Variants in CDC42EP2 observed in about 807,000 individuals in gnomAD.
CDC42EP2 encodes CDC42 effector protein 2, also known as CDC42 effector protein (Rho GTPase binding) 2.
Under a neutral mutation model 7.3 loss-of-function variants are expected in CDC42EP2, and 5 were observed. The observed-to-expected ratio is 0.68, with a 90% CI of 0.36 to 1.44. The LOEUF (loss-of-function observed/expected upper bound fraction) is 1.44. CDC42EP2 is among the 40% of genes most tolerant of loss of function. CDC42EP2 has a pLI of 0.04. For missense variants in CDC42EP2, 251 were observed against 282.6 expected (o/e 0.89, Z 0.80); for synonymous variants, 113 against 123.6 (o/e 0.91, Z 0.57).
In CDC42EP2 at chr11:65,321,665, G is replaced by C; in HGVS notation, c.*134G>C. 1 of 837,064 alleles carries C rather than the reference G, an allele frequency of 1.2e-6. No individual in the cohort carries two copies. The highest frequency in any genetic ancestry group is 1.9e-6 in the Non-Finnish European group (1 of 531,450). The allele number at this position is 837,064 out of a possible 1,614,324, so 51.9% of individuals were successfully genotyped here. The stretch of plus-strand genomic sequence containing the variant: ...CGCTGGCCAGTGATTCTCCTTCTGA[G>C]CCGTGTTTCCCCTCTCCCTCCCTCT... On this transcript the variant is annotated 3_prime_UTR_variant, in exon 2 of 2. Transcript: ENST00000279249. This position sits in a 1 kb window ranked among gnomAD's most constrained non-coding sequence, Gnocchi z 4.4.
chr11:65,321,640 C>A lies in CDC42EP2; in HGVS notation c.*109C>A. ...GGTCCCAAGATCCCACCTGTATGGTCGCTGGCCAGTGATTCTCCTTCTGAG... is the reference window on the plus strand; with the variant it reads ...GGTCCCAAGATCCCACCTGTATGGTAGCTGGCCAGTGATTCTCCTTCTGAG... On this transcript the variant is annotated 3_prime_UTR_variant, in exon 2 of 2. Coordinates refer to ENST00000279249, the MANE Select transcript of CDC42EP2 (RefSeq NM_006779.4). This position sits in a 1 kb window ranked among gnomAD's most constrained non-coding sequence, Gnocchi z 4.4. 1 of 1,013,984 alleles carries A rather than the reference C, an allele frequency of 9.9e-7. No individual in the cohort carries two copies. The highest frequency in any genetic ancestry group is 1.6e-5 in the South Asian group (1 of 63,532). The allele number at this position is 1,013,984 out of a possible 1,614,324, so 62.8% of individuals were successfully genotyped here.
At position 65,320,636 on chromosome 11, in the gene CDC42EP2, C is replaced by T; in HGVS notation, c.-263C>T. 2 of 482,256 alleles carry T rather than the reference C, an allele frequency of 4.1e-6. No homozygotes were observed. The highest frequency in any genetic ancestry group is 7.5e-6 in the Non-Finnish European group (2 of 265,612). 29.9% of individuals were successfully genotyped at this position (482,256 alleles called of 1,614,324 possible). A position where few individuals can be genotyped will look rare whatever the true frequency, so the allele number is the denominator to read the frequency against. ...AGTTCCTACCTTTCTGGCTTCAATTCTTCAGAAGAGTTTGCCGTCCTTTGG... is the reference window on the plus strand; with the variant it reads ...AGTTCCTACCTTTCTGGCTTCAATTTTTCAGAAGAGTTTGCCGTCCTTTGG... On this transcript the variant is annotated 5_prime_UTR_variant, in exon 2 of 2. Transcript: ENST00000279249.
Position 65,320,634 on chromosome 11 carries a change from T to C in CDC42EP2, c.-265T>C. 1 of 469,578 alleles carries C rather than the reference T, an allele frequency of 2.1e-6. No homozygotes were observed. Among genetic ancestry groups the C allele is most frequent in the Non-Finnish European group, 3.9e-6 (1 of 258,334 alleles). 29.1% of individuals were successfully genotyped at this position (469,578 alleles called of 1,614,324 possible). A position where few individuals can be genotyped will look rare whatever the true frequency, so the allele number is the denominator to read the frequency against. On this transcript the variant is annotated 5_prime_UTR_variant, in exon 2 of 2. Coordinates refer to ENST00000279249, the MANE Select transcript of CDC42EP2 (RefSeq NM_006779.4). ...ACAGTTCCTACCTTTCTGGCTTCAA[T>C]TCTTCAGAAGAGTTTGCCGTCCTTT...
Position 65,320,661 on chromosome 11 carries a change from G to T in CDC42EP2, c.-238G>T. 5.7e-6 allele frequency: 3 copies of T among 530,704 alleles called. No individual in the cohort carries two copies. The highest frequency in any genetic ancestry group is 6.8e-6 in the Non-Finnish European group (2 of 295,088). The allele number at this position is 530,704 out of a possible 1,614,324, so 32.9% of individuals were successfully genotyped here. ...CTTCAGAAGAGTTTGCCGTCCTTTGGGGAGAACGTGATTTTTGTTATCTCA... is the reference window on the plus strand; with the variant it reads ...CTTCAGAAGAGTTTGCCGTCCTTTGTGGAGAACGTGATTTTTGTTATCTCA... On this transcript the variant is annotated 5_prime_UTR_variant, in exon 2 of 2. Coordinates refer to ENST00000279249, the MANE Select transcript of CDC42EP2 (RefSeq NM_006779.4).
intron 1 of CDC42EP2, among the ~76,000 whole-genome samples, chr11:65,318,021 C>CT (rs1268719334): frequency 6.6e-6 from 1 of 151,946 alleles, no homozygotes; most frequent in African/African-American, 2.4e-5. Flanking sequence ...GCTGTGTACC[C>CT]TAGTCAAGGT....
intron 1 of CDC42EP2, among the ~76,000 whole-genome samples, chr11:65,320,311 A>T (rs1210540196): frequency 6.6e-6 from 1 of 152,130 alleles, no homozygotes; most frequent in Admixed American, 6.5e-5. Context: ...TACTAAAAAA[A>T]AATGCAAAAA....
At position 65,321,508 on chromosome 11, in the gene CDC42EP2, G is replaced by T; in HGVS notation, c.610G>T (p.Asp204Tyr). ...DVLQIMDQDL[D>Y]SMQIPT ...CCTGCAGATCATGGATCAGGACCTG[G>T]ACAGCATGCAGATCCCCACATAGGA... The change falls in exon 2 of 2, where the codon GAC (aspartate) becomes TAC (tyrosine). Residue 204 changes from aspartate to tyrosine, a missense_variant. Coordinates refer to ENST00000279249, the MANE Select transcript of CDC42EP2 (RefSeq NM_006779.4). The surrounding 1 kb of genome is among the most constrained non-coding windows in gnomAD (Gnocchi z 4.4). 1 of 1,611,084 alleles carries T rather than the reference G, an allele frequency of 6.2e-7. No homozygotes were observed. The highest frequency in any genetic ancestry group is 8.5e-7 in the Non-Finnish European group (1 of 1,178,248).
At position 65,315,245 on chromosome 11, in the gene CDC42EP2, C is replaced by T. The variant is rs1457917346; in HGVS notation, c.-356+291C>T. ...CTCCCGAGACCCAGGGGTGCCCCGC[C>T]GCCCAGCATCCCCACCGGGGCTGGG... is the stretch of plus-strand genomic sequence containing the variant. On this transcript the variant is annotated intron_variant, in intron 1 of 1. Transcript: ENST00000279249. This position sits in a 1 kb window ranked among gnomAD's most constrained non-coding sequence, Gnocchi z 4.1. Among the ~76,000 whole-genome samples the T allele has an allele frequency of 6.6e-6, 1 of 152,234 alleles. No homozygotes were observed. The highest frequency in any genetic ancestry group is 2.4e-5 in the African/African-American group (1 of 41,472).
rs1949942596 is a variant in CDC42EP2, at chr11:65,315,403, C to T, written c.-356+449C>T. 6.6e-6 allele frequency among the ~76,000 whole-genome samples: 1 copy of T among 152,172 alleles called. No individual in the cohort carries two copies. The highest frequency in any genetic ancestry group is 1.5e-5 in the Non-Finnish European group (1 of 68,014). On this transcript the variant is annotated intron_variant, in intron 1 of 1. Transcript: ENST00000279249. This position sits in a 1 kb window ranked among gnomAD's most constrained non-coding sequence, Gnocchi z 4.1. ...GAGGGGTCGGCGCAGGAACCCGAGC[C>T]GGAGCTAAGGAGCCGGACCCGTGGG...
At position 65,321,687 on chromosome 11, in the gene CDC42EP2, C is replaced by A; in HGVS notation, c.*156C>A. The stretch of plus-strand genomic sequence containing the variant: ...TGAGCCGTGTTTCCCCTCTCCCTCC[C>A]TCTCCACGTGGGCAGGGCAGGCCCC... On this transcript the variant is annotated 3_prime_UTR_variant, in exon 2 of 2. Transcript: ENST00000279249. The surrounding 1 kb of genome is among the most constrained non-coding windows in gnomAD (Gnocchi z 4.4). The A allele has an allele frequency of 1.4e-6, 1 of 700,500 alleles. No individual in the cohort carries two copies. 43.4% of individuals were successfully genotyped at this position (700,500 alleles called of 1,614,324 possible). A position where few individuals can be genotyped will look rare whatever the true frequency, so the allele number is the denominator to read the frequency against.
At position 65,320,789 on chromosome 11, in the gene CDC42EP2, T is replaced by C. The variant is rs1012778921; in HGVS notation, c.-110T>C. The C allele has an allele frequency of 5.2e-5, 66 of 1,269,014 alleles. 1 individual carries two copies. Among genetic ancestry groups the C allele is most frequent in the African/African-American group, 7.5e-5 (5 of 66,866 alleles). 78.6% of individuals were successfully genotyped at this position (1,269,014 alleles called of 1,614,324 possible). On this transcript the variant is annotated 5_prime_UTR_variant, in exon 2 of 2. Transcript: ENST00000279249. ...AAGCCCGTTGGCGAGCTCTGGCACC[T>C]GCAAACCACCCCGTGGAACGAGTGT...
chr11:65,321,631 C>A lies in CDC42EP2; in HGVS notation c.*100C>A. On this transcript the variant is annotated 3_prime_UTR_variant, in exon 2 of 2. Coordinates refer to ENST00000279249, the MANE Select transcript of CDC42EP2 (RefSeq NM_006779.4). The surrounding 1 kb of genome is among the most constrained non-coding windows in gnomAD (Gnocchi z 4.4). ...CGGAGTCAGGGTCCCAAGATCCCAC[C>A]TGTATGGTCGCTGGCCAGTGATTCT... The A allele has an allele frequency of 1.8e-6, 2 of 1,116,914 alleles. No individual in the cohort carries two copies. The highest frequency in any genetic ancestry group is 2.6e-6 in the Non-Finnish European group (2 of 773,078). The allele number at this position is 1,116,914 out of a possible 1,614,324, so 69.2% of individuals were successfully genotyped here. A position where few individuals can be genotyped will look rare whatever the true frequency, so the allele number is the denominator to read the frequency against.
chr11:65,318,421 A>ATTTTTTTTT (rs1279340276), intron 1 of CDC42EP2, among the ~76,000 whole-genome samples: 1 of 114,078 alleles, frequency 8.8e-6, no homozygotes, highest in Non-Finnish European at 1.8e-5. Flanking sequence ...CACCTGGCAA[A>ATTTTTTTTT]TTTTTTTTTT....
At position 65,320,851 on chromosome 11, in the gene CDC42EP2, C is replaced by T; in HGVS notation, c.-48C>T. On this transcript the variant is annotated 5_prime_UTR_variant, in exon 2 of 2. Coordinates refer to ENST00000279249, the MANE Select transcript of CDC42EP2 (RefSeq NM_006779.4). ...GAGGGTTGGAGAGGAGGTGTGGTCT[C>T]AGCAGGCGGCCCGTAGCCTCACAGC... 1 of 1,551,988 alleles carries T rather than the reference C, an allele frequency of 6.4e-7. No individual in the cohort carries two copies. Among genetic ancestry groups the T allele is most frequent in the Non-Finnish European group, 8.7e-7 (1 of 1,142,936 alleles).
Position 65,321,404 on chromosome 11 carries a change from C to T in CDC42EP2, c.506C>T (p.Ala169Val), listed in dbSNP as rs1364540859. Residue 169 changes from alanine to valine, a missense_variant, in exon 2 of 2, where the codon GCC becomes GTC. Coordinates refer to ENST00000279249, the MANE Select transcript of CDC42EP2 (RefSeq NM_006779.4). This position sits in a 1 kb window ranked among gnomAD's most constrained non-coding sequence, Gnocchi z 4.4. ...PNSGLTPESG[A>V]EEPFLSNASS... The stretch of plus-strand genomic sequence containing the variant: ...AGTGGACTGACCCCGGAGTCAGGGG[C>T]CGAGGAGCCCTTCCTGTCCAATGCC... 2 of 1,613,716 alleles carry T rather than the reference C, an allele frequency of 1.2e-6. No homozygotes were observed. The highest frequency in any genetic ancestry group is 1.7e-6 in the Non-Finnish European group (2 of 1,180,020).
intron 1 of CDC42EP2, among the ~76,000 whole-genome samples, chr11:65,318,064 G>A (rs889223975): frequency 6.6e-6 from 1 of 150,458 alleles, no homozygotes; most frequent in Non-Finnish European, 1.5e-5. Flanking sequence ...TGGCCTTCTA[G>A]ATTTTTCTCT....
rs1487856955 is a variant in CDC42EP2 at position 65,321,668 on chromosome 11, G to A, written c.*137G>A. Reference sequence around the variant, plus strand: ...TGGCCAGTGATTCTCCTTCTGAGCCGTGTTTCCCCTCTCCCTCCCTCTCCA... The same window carrying A: ...TGGCCAGTGATTCTCCTTCTGAGCCATGTTTCCCCTCTCCCTCCCTCTCCA... On this transcript the variant is annotated 3_prime_UTR_variant, in exon 2 of 2. Transcript: ENST00000279249. The surrounding 1 kb of genome is among the most constrained non-coding windows in gnomAD (Gnocchi z 4.4). 4.2e-5 allele frequency: 34 copies of A among 802,260 alleles called. No individual in the cohort carries two copies. In the South Asian group the frequency reaches 4.2e-4, roughly 10 times the overall value. 49.7% of individuals were successfully genotyped at this position (802,260 alleles called of 1,614,324 possible). A position where few individuals can be genotyped will look rare whatever the true frequency, so the allele number is the denominator to read the frequency against.
chr11:65,321,086 A>G lies in CDC42EP2; in HGVS notation c.188A>G (p.His63Arg), dbSNP rs748088494. The part of the protein sequence containing the change: ...GDISFLQGKF[H>R]LLPGTMVEGP... ...ATCTCCTTCCTGCAGGGCAAGTTCC[A>G]CCTCCTGCCGGGGACCATGGTGGAG... Residue 63 changes from histidine to arginine, a missense_variant, in exon 2 of 2, where the codon CAC becomes CGC. Transcript: ENST00000279249. The surrounding 1 kb of genome is among the most constrained non-coding windows in gnomAD (Gnocchi z 4.4). 9 of 1,613,634 alleles carry G rather than the reference A, an allele frequency of 5.6e-6. No homozygotes were observed. Among genetic ancestry groups the G allele is most frequent in the Non-Finnish European group, 2.5e-6 (3 of 1,179,938 alleles).
rs1289036098 is a variant in CDC42EP2, at chr11:65,321,399, A to G, written c.501A>G (p.Ser167=). The G allele has an allele frequency of 3.7e-6, 6 of 1,613,622 alleles. No homozygotes were observed. The African/African-American group carries it at 4.0e-5, about 11-fold the overall frequency. ...CCAACAGTGGACTGACCCCGGAGTC[A>G]GGGGCCGAGGAGCCCTTCCTGTCCA... ...GSPNSGLTPE[S]GAEEPFLSNA... Residue 167 remains serine (S), a synonymous_variant, in exon 2 of 2, where the codon TCA becomes TCG. Coordinates refer to ENST00000279249, the MANE Select transcript of CDC42EP2 (RefSeq NM_006779.4). The surrounding 1 kb of genome is among the most constrained non-coding windows in gnomAD (Gnocchi z 4.4).
Sources: gnomAD v4.1 joint callset for allele counts (sites outside exome capture counted in the v4.1 genomes callset) on GRCh38, gnomAD v4.1.1 for gene constraint, Gnocchi (gnomAD v3.1) non-coding constraint, MANE v1.5 for transcripts, NCBI Gene and HGNC (gene_info 2026-07-23, HGNC 2026-07-21) for gene names.